Variants in RETREG3 observed in about 807,000 individuals in gnomAD.
RETREG3 encodes the protein reticulophagy regulator family member 3.
In RETREG3, 23 loss-of-function variants were observed where a neutral mutation model predicts 50.2. The ratio of observed to expected loss-of-function variants is 0.46; its 90% CI spans 0.33 to 0.65. RETREG3 has a LOEUF of 0.65. Ranked by LOEUF, RETREG3 falls within the 30% of genes least tolerant of loss-of-function variation. The pLI is 0.02. For synonymous variants in RETREG3, 240 were observed against 234.4 expected, an observed-to-expected ratio of 1.02 and a Z score of -0.22; for missense variants, 546 against 598.0, an observed-to-expected ratio of 0.91 and a Z score of 0.91.
intron 1 of RETREG3, 37 bp downstream of exon 1, chr17:42,609,049 G>C (rs1352084354): frequency 1.3e-6 from 2 of 1,583,034 alleles, no homozygotes; most frequent in Non-Finnish European, 1.7e-6. Context: ...CAACGAATTC[G>C]GGACTCGGAG....
At chr17:42,607,217 G>A (rs1332150866) in intron 1 of RETREG3, among the ~76,000 whole-genome samples, 2 of 152,098 alleles carry the variant, frequency 1.3e-5, no homozygotes, top group Non-Finnish European at 2.9e-5. Context: ...AGAAGCACTT[G>A]GCTGGGCACG....
At chr17:42,607,435 A>G (rs975915574) in intron 1 of RETREG3, among the ~76,000 whole-genome samples, 11 of 140,314 alleles carry the variant, frequency 7.8e-5, no homozygotes, top group Admixed American at 3.0e-4. Flanking sequence ...AGGAAGTGGA[A>G]GTTGCAATGA....
chr17:42,603,296 G>C (rs1055333739), intron 1 of RETREG3, among the ~76,000 whole-genome samples: 3 of 152,062 alleles, frequency 2.0e-5, no homozygotes, highest in African/African-American at 7.3e-5. Flanking sequence ...TGATTTCTAG[G>C]TTCCTTTGTT....
intron 1 of RETREG3, among the ~76,000 whole-genome samples, chr17:42,594,949 GA>G (rs2093140950): frequency 6.9e-6 from 1 of 145,078 alleles, no homozygotes; most frequent in East Asian, 2.1e-4. Context: ...TTTGTTTGTA[GA>G]TTTTTTTTTT....
chr17:42,597,619 ATTTTTTTTTTTTTTTTTT>A (rs869223820), intron 1 of RETREG3, among the ~76,000 whole-genome samples: 17 of 14,366 alleles, frequency 1.2e-3, no homozygotes, highest in African/African-American at 5.8e-3. Flanking sequence ...ATATATATAT[ATTTTTTTTTTTTTTTTTT>A]TTTTTTTTTT....
At chr17:42,589,617 A>G (rs1597735199) in intron 2 of RETREG3, among the ~76,000 whole-genome samples, 1 of 152,064 alleles carries the variant, frequency 6.6e-6, no homozygotes, top group African/African-American at 2.4e-5. Context: ...TATTTTTTGT[A>G]GAGACAAGGT....
At position 42,586,798 on chromosome 17, in the gene RETREG3, A is replaced by C; in HGVS notation, c.471T>G (p.Asn157Lys). ...GGTTTTGCTTTTTGAAAAGCAAAAC[A>C]TTCCTTATGAAAATGGTCCCACTAA... ...VWVSGTIFIR[N>K]VLLFKKQNPG... is the part of the protein sequence containing the mutation. Residue 157 changes from asparagine (N) to lysine (K), a missense_variant, in exon 4 of 9, where the codon AAT becomes AAG. Transcript: ENST00000309428. 6.2e-7 allele frequency: 1 copy of C among 1,614,190 alleles called. No individual in the cohort carries two copies. The highest frequency in any genetic ancestry group is 8.5e-7 in the Non-Finnish European group (1 of 1,180,016).
At chr17:42,590,900 G>C (rs1327938319) in intron 2 of RETREG3, among the ~76,000 whole-genome samples, 1 of 152,162 alleles carries the variant, frequency 6.6e-6, no homozygotes, top group Non-Finnish European at 1.5e-5. Context: ...CTGGGAGGCG[G>C]AGGTTGCAGT....
At chr17:42,597,117 GC>G (rs2093146737) in intron 1 of RETREG3, among the ~76,000 whole-genome samples, 1 of 151,714 alleles carries the variant, frequency 6.6e-6, no homozygotes, top group African/African-American at 2.4e-5. Flanking sequence ...CAAGTGATCC[GC>G]CCGCTTCGAC....
intron 1 of RETREG3, among the ~76,000 whole-genome samples, chr17:42,604,772 G>A (rs925132075): frequency 6.6e-6 from 1 of 151,566 alleles, no homozygotes; most frequent in African/African-American, 2.4e-5. Flanking sequence ...TTCATGTTAG[G>A]TGGGAGAGGG....
chr17:42,595,723 C>A (rs552615155), intron 1 of RETREG3, among the ~76,000 whole-genome samples: 1 of 140,488 alleles, frequency 7.1e-6, no homozygotes, highest in East Asian at 2.1e-4. Flanking sequence ...GGCTGGAGTG[C>A]AATGGCATGA....
intron 6 of RETREG3, 33 bp from the exon 7 acceptor site, chr17:42,583,613 C>T: frequency 6.3e-7 from 1 of 1,597,126 alleles, no homozygotes. Flanking sequence ...TGCTTGATAC[C>T]TTCTCCCAGC....
At chr17:42,583,959 C>T (rs2093115725) in intron 6 of RETREG3, among the ~76,000 whole-genome samples, 2 of 152,118 alleles carry the variant, frequency 1.3e-5, no homozygotes, top group South Asian at 4.2e-4. Flanking sequence ...AGGTGCTCAC[C>T]ATCACACCTG....
intron 1 of RETREG3, among the ~76,000 whole-genome samples, chr17:42,597,607 ATATATATATATATTTTTTTTTTT>A (rs2093149337): frequency 1.2e-4 from 2 of 17,022 alleles, no homozygotes; most frequent in Non-Finnish European, 2.1e-4. Flanking sequence ...ATATATATAT[ATATATATATATATTTTTTTTTTT>A]TTTTTTTTTT....
Position 42,581,654 on chromosome 17 carries a change from G to T in RETREG3, c.*159C>A. ...CATCCAGCTGGTGGGAGGGGAGTGA[G>T]TGTCCTCTCTAAGGAGGCCTCTGAG... On this transcript the variant is annotated 3_prime_UTR_variant, in exon 9 of 9. Transcript: ENST00000309428. 1.6e-6 allele frequency: 1 copy of T among 614,880 alleles called. No homozygotes were observed. The highest frequency in any genetic ancestry group is 2.7e-6 in the Non-Finnish European group (1 of 367,554). The allele number at this position is 614,880 out of a possible 1,614,324, so 38.1% of individuals were successfully genotyped here.
rs1348728283 is a variant in RETREG3, at chr17:42,581,781, A to C, written c.*32T>G. 4.6e-6 allele frequency: 7 copies of C among 1,524,774 alleles called. No individual in the cohort carries two copies. Among genetic ancestry groups the C allele is most frequent in the Non-Finnish European group, 6.2e-6 (7 of 1,136,652 alleles). 94.5% of individuals were successfully genotyped at this position (1,524,774 alleles called of 1,614,324 possible). A position where few individuals can be genotyped will look rare whatever the true frequency, so the allele number is the denominator to read the frequency against. ...AGTGGGATGGGGAGAAAAAAACCTA[A>C]ACCACAGTGACTCCCAAAAGGAGTC... is the stretch of plus-strand genomic sequence containing the variant. On this transcript the variant is annotated 3_prime_UTR_variant, in exon 9 of 9. Transcript: ENST00000309428.
At chr17:42,594,190 C>CA (rs550792275) in intron 1 of RETREG3, among the ~76,000 whole-genome samples, 32 of 151,614 alleles carry the variant, frequency 2.1e-4, no homozygotes, top group Non-Finnish European at 4.0e-4. Flanking sequence ...ATTCTGGTCT[C>CA]AAAAAAACAA....
chr17:42,579,956 T>C lies in RETREG3; in HGVS notation c.*1857A>G, dbSNP rs2093103808. The C allele has an allele frequency of 6.5e-6, 1 of 152,910 alleles. No homozygotes were observed. 9.5% of individuals were successfully genotyped at this position (152,910 alleles called of 1,614,324 possible). A position where few individuals can be genotyped will look rare whatever the true frequency, so the allele number is the denominator to read the frequency against. ...CTGCAGTACATGAAAACAGGCTCTG[T>C]CCAACATCCCTCACCCAAGTACAGG... On this transcript the variant is annotated 3_prime_UTR_variant, in exon 9 of 9. Transcript: ENST00000309428.
At chr17:42,596,359 C>CAAAAAAA (rs60457978) in intron 1 of RETREG3, among the ~76,000 whole-genome samples, 9 of 64,712 alleles carry the variant, frequency 1.4e-4, no homozygotes, top group Non-Finnish European at 1.8e-4. Context: ...GACCCTTTCT[C>CAAAAAAA]AAAAAAAAAA....
Sources: allele counts gnomAD v4.1 joint callset (sites outside exome capture counted in the v4.1 genomes callset), GRCh38; gene constraint gnomAD v4.1.1; transcripts MANE v1.5; gene names NCBI Gene and HGNC (gene_info 2026-07-23, HGNC 2026-07-21).